SCOC: variants seen among roughly 807,000 people sequenced by gnomAD.
SCOC encodes the protein short coiled-coil protein.
A neutral mutation model predicts 9.9 loss-of-function variants in SCOC; 7 were observed. That is an observed-to-expected ratio of 0.71 (90% CI 0.40 to 1.33). SCOC has a LOEUF of 1.33. Among genes scored for constraint, SCOC ranks in the 40% most tolerant of loss-of-function variants. The pLI is 0.01. For missense variants in SCOC, 66 were observed against 89.7 expected, an observed-to-expected ratio of 0.74 and a Z score of 1.07; for synonymous variants, 19 against 28.2, an observed-to-expected ratio of 0.67 and a Z score of 1.03.
chr4:140,306,036 G>A (rs1731970789), intron 1 of SCOC, among the ~76,000 whole-genome samples: 1 of 152,182 alleles, frequency 6.6e-6, no homozygotes, highest in African/African-American at 2.4e-5. Flanking sequence ...TATGCTAACT[G>A]TATTAGTCTG....
chr4:140,361,637 T>G (rs1727473179), intron 2 of SCOC, among the ~76,000 whole-genome samples: 1 of 152,118 alleles, frequency 6.6e-6, no homozygotes, highest in South Asian at 2.1e-4. Context: ...CCAGCCTTGG[T>G]GACAAAGTGA....
chr4:140,373,995 C>T, intron 1 of SCOC: 1 of 622,160 alleles, frequency 1.6e-6, no homozygotes, highest in South Asian at 1.5e-5. Flanking sequence ...CATCGTGTAG[C>T]TTTCTCCCCG....
intron 1 of SCOC, among the ~76,000 whole-genome samples, chr4:140,269,072 C>G (rs1175015914): frequency 6.6e-6 from 1 of 152,072 alleles, no homozygotes; most frequent in Admixed American, 6.6e-5. Flanking sequence ...AAGTTCAGAA[C>G]GGAGAATAGC....
upstream of SCOC, chr4:140,369,391 T>C: frequency 6.5e-6 from 2 of 310,018 alleles, no homozygotes; most frequent in South Asian, 4.9e-5. Flanking sequence ...AAATGTGAGT[T>C]CTTATTTAGG....
intron 2 of SCOC, among the ~76,000 whole-genome samples, chr4:140,362,273 C>CTGTTTCTTCTTCTTCTTCTTCTTCTT: frequency 3.4e-5 from 1 of 29,076 alleles, no homozygotes; most frequent in East Asian, 1.0e-3. Flanking sequence ...ACAGGTGTGT[C>CTGTTTCTTCTTCTTCTTCTTCTTCTT]CTTACTTCTT....
chr4:140,375,124 T>A lies in SCOC; in HGVS notation c.-51+1407T>A, dbSNP rs374316962. Among the ~76,000 whole-genome samples, 5 of 152,102 alleles carry A rather than the reference T, an allele frequency of 3.3e-5. 1 individual carries two copies. The highest frequency in any genetic ancestry group is 3.3e-4 in the Admixed American group (5 of 15,252). Reference sequence around the variant, plus strand: ...GAATGGTGGAAAAAACACTGGGCATTTGTTGTAGTCTTGGCCCTGTTGCTA... The same window carrying A: ...GAATGGTGGAAAAAACACTGGGCATATGTTGTAGTCTTGGCCCTGTTGCTA... On this transcript the variant is annotated intron_variant, in intron 1 of 3. Transcript: ENST00000608372.
At position 140,381,050 on chromosome 4, in the gene SCOC, C is replaced by T. The variant is rs775355605; in HGVS notation, c.195C>T (p.Leu65=). The T allele has an allele frequency of 9.3e-6, 15 of 1,604,348 alleles. No individual in the cohort carries two copies. Among genetic ancestry groups the T allele is most frequent in the Admixed American group, 3.5e-5 (2 of 57,116 alleles). Residue 65 remains leucine, a synonymous_variant, in exon 4 of 4, where the codon CTC becomes CTT. Transcript: ENST00000608372. The part of the protein sequence containing the change: ...NQVLGQYIEN[L]MSASSVFQTT... ...TTCTTGGACAATATATAGAAAATCTCATGTCAGCTTCTAGTGTTTTTCAAA... is the reference window on the plus strand; with the variant it reads ...TTCTTGGACAATATATAGAAAATCTTATGTCAGCTTCTAGTGTTTTTCAAA...
intron 2 of SCOC, among the ~76,000 whole-genome samples, chr4:140,351,492 T>C (rs988000928): frequency 6.6e-6 from 1 of 152,034 alleles, no homozygotes; most frequent in African/African-American, 2.4e-5. Flanking sequence ...CTCTAAAACC[T>C]CTCCTGAATA....
upstream of SCOC, among the ~76,000 whole-genome samples, chr4:140,339,811 G>A (rs1384126577): frequency 6.6e-6 from 1 of 152,234 alleles, no homozygotes; most frequent in African/African-American, 2.4e-5. Context: ...ACAGGTGCTG[G>A]AGAGGATGTG....
intron 1 of SCOC, among the ~76,000 whole-genome samples, chr4:140,289,876 G>T (rs1731416408): frequency 6.6e-6 from 1 of 152,192 alleles, no homozygotes; most frequent in Admixed American, 6.5e-5. Context: ...TTGTCTACTT[G>T]GTTGTTCAGT....
At chr4:140,287,203 T>C (rs61571310) in intron 1 of SCOC, among the ~76,000 whole-genome samples, 2,135 of 148,804 alleles carry the variant, frequency 0.014, 38 homozygotes, top group African/African-American at 0.051. Context: ...ACACACATCA[T>C]GTGCAAATGC....
intron 1 of SCOC, among the ~76,000 whole-genome samples, chr4:140,322,063 G>A (rs1732515107): frequency 3.3e-5 from 5 of 152,126 alleles, no homozygotes; most frequent in Admixed American, 3.3e-4. Flanking sequence ...CCTTGATCTT[G>A]GACTTGCCAA....
At chr4:140,336,022 C>A (rs1478076119) in intron 1 of SCOC, among the ~76,000 whole-genome samples, 1 of 152,036 alleles carries the variant, frequency 6.6e-6, no homozygotes, top group Non-Finnish European at 1.5e-5. Flanking sequence ...TTATCTTGAC[C>A]TCCTTTGATG....
intron 1 of SCOC, among the ~76,000 whole-genome samples, chr4:140,304,221 T>C (rs568092746): frequency 1.3e-5 from 2 of 152,268 alleles, no homozygotes; most frequent in South Asian, 4.1e-4. Context: ...TACAAGACAC[T>C]GGTGACAGGC....
At chr4:140,372,233 TAA>T (rs2126583011), upstream of SCOC, among the ~76,000 whole-genome samples, 1 of 152,350 alleles carries the variant, frequency 6.6e-6, no homozygotes, top group African/African-American at 2.4e-5. Flanking sequence ...CTACTGAAGT[TAA>T]AAATGGTTAA....
upstream of SCOC, chr4:140,343,419 A>ATTTAC (rs749355518): frequency 2.8e-5 from 13 of 469,180 alleles, no homozygotes; most frequent in Middle Eastern, 3.9e-4. Context: ...AAGGGTTGTA[A>ATTTAC]GTCATTAACT....
chr4:140,383,333 T>C lies in SCOC; in HGVS notation c.*2229T>C, dbSNP rs1728624899. On this transcript the variant is annotated 3_prime_UTR_variant, in exon 4 of 4. Coordinates refer to ENST00000608372, the MANE Select transcript of SCOC (RefSeq NM_001153484.2). ...TCTATTAAAGGTCCATCCCTTTACA[T>C]GTGGCTTCTAATAGTCTGACAATCT... The C allele has an allele frequency of 6.6e-6, 1 of 152,226 alleles. No homozygotes were observed. Among genetic ancestry groups the C allele is most frequent in the Non-Finnish European group, 1.5e-5 (1 of 68,050 alleles). 9.4% of individuals were successfully genotyped at this position (152,226 alleles called of 1,614,324 possible).
intron 1 of SCOC, among the ~76,000 whole-genome samples, chr4:140,291,015 T>C (rs570439401): frequency 1.3e-5 from 2 of 152,338 alleles, no homozygotes; most frequent in South Asian, 2.1e-4. Flanking sequence ...GCCTGCATTA[T>C]TGTTTTCTCA....
Position 140,315,187 on chromosome 4 carries a change from C to G in SCOC, c.-18-28434C>G, listed in dbSNP as rs1732277495. 2.6e-5 allele frequency among the ~76,000 whole-genome samples: 4 copies of G among 152,186 alleles called. No homozygotes were observed. The South Asian group carries it at 8.3e-4, about 32-fold the overall frequency. The stretch of plus-strand genomic sequence containing the variant: ...AAATCTCCACTCTTCCCCTGTGTGT[C>G]AAAGACATTCCTTTTCAAGGAGGTT... On this transcript the variant is annotated intron_variant, in intron 1 of 4. Transcript: ENST00000394205.
Sources: allele counts gnomAD v4.1 joint callset (sites outside exome capture counted in the v4.1 genomes callset), GRCh38; gene constraint gnomAD v4.1.1; transcripts MANE v1.5; gene names NCBI Gene and HGNC (gene_info 2026-07-23, HGNC 2026-07-21).